The following FNBP1 variants were observed in gnomAD, a reference collection of about 807,000 sequenced individuals.
The protein encoded by FNBP1 is formin binding protein 1, also known as formin-binding protein 1.
In FNBP1, 26 loss-of-function variants were observed where a neutral mutation model predicts 90.6. The observed-to-expected ratio is 0.29, with a 90% CI of 0.21 to 0.40. FNBP1 has a LOEUF of 0.40. Among genes scored for constraint, FNBP1 ranks in the 10% least tolerant of loss-of-function variants. FNBP1 has a pLI of 1.00. For synonymous variants in FNBP1, 260 were observed against 265.2 expected, an observed-to-expected ratio of 0.98 and a Z score of 0.19; for missense variants, 635 against 768.0, an observed-to-expected ratio of 0.83 and a Z score of 2.05.
At chr9:130,048,314 CAAAAAAAAAAAAAAAAAA>C in the FNBP1 span, among the ~76,000 whole-genome samples, 1 of 50,716 alleles carries the variant, frequency 2.0e-5, no homozygotes, top group African/African-American at 8.3e-5. Context: ...GACTCCATCT[CAAAAAAAAAAAAAAAAAA>C]AAAAAAAAAA....
chr9:129,929,651 G>A lies in FNBP1; in HGVS notation c.558C>T (p.Ser186=). Residue 186 remains serine, a synonymous_variant, in exon 7 of 17, where the codon AGC becomes AGT. Transcript: ENST00000446176. ...AQIRHQMAED[S]KADYSSILQK... ...GGAGAATGGATGAGTAATCTGCTTT[G>A]CTGTCCTCTGCCATTTGGTGACGTA... is the stretch of plus-strand genomic sequence containing the variant. The A allele has an allele frequency of 6.2e-7, 1 of 1,613,862 alleles. No individual in the cohort carries two copies.
At chr9:129,975,793 C>G (rs568083708) in intron 4 of FNBP1, among the ~76,000 whole-genome samples, 1 of 149,978 alleles carries the variant, frequency 6.7e-6, no homozygotes, top group South Asian at 2.1e-4. Context: ...ATCCCAGCTA[C>G]TTGGGAGGCT....
At chr9:129,960,018 A>G (rs2047546698) in intron 4 of FNBP1, among the ~76,000 whole-genome samples, 2 of 152,156 alleles carry the variant, frequency 1.3e-5, no homozygotes, top group African/African-American at 2.4e-5. Context: ...TTTTATTGCC[A>G]AATGATTATT....
intron 1 of FNBP1, among the ~76,000 whole-genome samples, chr9:130,011,243 A>AATATATAT (rs1589249829): frequency 2.6e-4 from 11 of 42,234 alleles, no homozygotes; most frequent in African/African-American, 1.1e-3. Flanking sequence ...AAAAAAAAAA[A>AATATATAT]ATATATATAT....
chr9:129,996,925 G>A (rs1252439829), intron 1 of FNBP1, among the ~76,000 whole-genome samples: 1 of 151,896 alleles, frequency 6.6e-6, no homozygotes, highest in Admixed American at 6.6e-5. Context: ...GAATTCCTGG[G>A]CTCAAGTGAT....
intron 1 of FNBP1, among the ~76,000 whole-genome samples, chr9:130,005,967 A>C (rs2055635549): frequency 6.6e-6 from 1 of 152,186 alleles, no homozygotes; most frequent in African/African-American, 2.4e-5. Context: ...CCCTGGGTTG[A>C]AAATGTCTCC....
rs2059907936 is a variant in FNBP1, at chr9:130,042,411, A to G, written c.24+541T>C. 6.6e-6 allele frequency among the ~76,000 whole-genome samples: 1 copy of G among 152,034 alleles called. No homozygotes were observed. Among genetic ancestry groups the G allele is most frequent in the Non-Finnish European group, 1.5e-5 (1 of 67,968 alleles). On this transcript the variant is annotated intron_variant, in intron 1 of 16. Transcript: ENST00000446176. This position sits in a 1 kb window ranked among gnomAD's most constrained non-coding sequence, Gnocchi z 5.5. ...CCACGGGCCAGAAGTCCTCGCCTCC[A>G]GAGCGAAGACCGCACTCTCGCCCCA... is the stretch of plus-strand genomic sequence containing the variant.
intron 1 of FNBP1, among the ~76,000 whole-genome samples, chr9:130,000,291 G>A (rs2054628117): frequency 6.6e-6 from 1 of 152,184 alleles, no homozygotes. Flanking sequence ...AGGAGTTGGA[G>A]ACCAGCCTGG....
chr9:129,949,212 ACT>A (rs1316481718), intron 6 of FNBP1, among the ~76,000 whole-genome samples: 1 of 151,718 alleles, frequency 6.6e-6, no homozygotes, highest in South Asian at 2.1e-4. Flanking sequence ...CAAGTTCAAA[ACT>A]CTATGACAGC....
At chr9:129,924,118 A>G (rs1407888223) in intron 9 of FNBP1, 92 bp from the exon 10 acceptor site, 1 of 1,294,610 alleles carries the variant, frequency 7.7e-7, no homozygotes, top group Non-Finnish European at 1.0e-6. Context: ...TTGAAATCCA[A>G]CGCAAGTAAA....
At position 130,005,062 on chromosome 9, in the gene FNBP1, CAAAAAAA is replaced by C. The variant is rs573686773; in HGVS notation, c.25-10111_25-10105del. 3.0e-4 allele frequency among the ~76,000 whole-genome samples: 28 copies of C among 92,776 alleles called. 1 individual carries two copies. The highest frequency in any genetic ancestry group is 4.7e-4 in the African/African-American group (11 of 23,170). 60.9% of individuals were successfully genotyped at this position (92,776 alleles called of 152,430 possible). ...GCCTGGTGACAGAGCAAGACTGTCT[CAAAAAAA>C]AAAAAAAAAAAAAAAAAAAGGCTGG... On this transcript the variant is annotated intron_variant, in intron 1 of 16. Transcript: ENST00000446176.
intron 16 of FNBP1, 42 bp downstream of exon 16, chr9:129,895,796 T>A (rs1050111874): frequency 8.7e-6 from 13 of 1,495,084 alleles, no homozygotes; most frequent in Admixed American, 2.5e-5. Flanking sequence ...CCATTTTTTT[T>A]AAGTTTTTTT....
At chr9:129,914,720 G>T (rs2039934415) in intron 11 of FNBP1, among the ~76,000 whole-genome samples, 1 of 138,196 alleles carries the variant, frequency 7.2e-6, no homozygotes, top group African/African-American at 2.6e-5. Flanking sequence ...CAAATACTAA[G>T]TCATGTTGAA....
Position 129,895,228 on chromosome 9 carries a change from G to T in FNBP1, c.1846+610C>A, listed in dbSNP as rs1441338496. 12 of 1,040,764 alleles carry T rather than the reference G, an allele frequency of 1.2e-5. No homozygotes were observed. In the South Asian group the frequency reaches 5.2e-4, roughly 45 times the overall value. The allele number at this position is 1,040,764 out of a possible 1,614,324, so 64.5% of individuals were successfully genotyped here. A position where few individuals can be genotyped will look rare whatever the true frequency, so the allele number is the denominator to read the frequency against. On this transcript the variant is annotated intron_variant, in intron 16 of 16. Transcript: ENST00000446176. Reference sequence around the variant, plus strand: ...CAGGGTACTCGTGATGCCCTACCAAGGATGCTGACCAGGTTTAAGTAAAAA... The same window carrying T: ...CAGGGTACTCGTGATGCCCTACCAATGATGCTGACCAGGTTTAAGTAAAAA...
rs116115557 is a variant in FNBP1 at position 129,897,634 on chromosome 9, C to T, written c.1688-1638G>A. The stretch of plus-strand genomic sequence containing the variant: ...TTTTTTAGAGAGGGTTTCACACTAT[C>T]GCCTAGGCTGGAGTGCAGTGGTACG... On this transcript the variant is annotated intron_variant, in intron 15 of 16. Coordinates refer to ENST00000446176, the MANE Select transcript of FNBP1 (RefSeq NM_015033.3). Among the ~76,000 whole-genome samples the T allele has an allele frequency of 3.8e-3, 578 of 152,130 alleles. 4 individuals are homozygous for T. The highest frequency in any genetic ancestry group is 0.013 in the African/African-American group (544 of 41,500).
intron 6 of FNBP1, among the ~76,000 whole-genome samples, chr9:129,951,201 C>T (rs1337783487): frequency 1.3e-5 from 2 of 151,946 alleles, no homozygotes; most frequent in Non-Finnish European, 2.9e-5. Context: ...AGGTGATCCA[C>T]CTGCCTCGGC....
intron 4 of FNBP1, among the ~76,000 whole-genome samples, chr9:129,965,480 C>G (rs976345674): frequency 2.6e-5 from 4 of 152,104 alleles, no homozygotes; most frequent in Admixed American, 1.3e-4. Flanking sequence ...GCTCACTGTT[C>G]CTCGGTTATT....
intron 10 of FNBP1, among the ~76,000 whole-genome samples, chr9:129,918,507 C>T (rs754644176): frequency 1.1e-4 from 17 of 152,164 alleles, no homozygotes; most frequent in Middle Eastern, 3.2e-3. Flanking sequence ...ACAGCCCAGG[C>T]GAGTCCATGT....
At chr9:129,906,168 C>T (rs900071658) in intron 12 of FNBP1, among the ~76,000 whole-genome samples, 1 of 152,164 alleles carries the variant, frequency 6.6e-6, no homozygotes, top group Non-Finnish European at 1.5e-5. Context: ...CAGGCATGAG[C>T]CACCGCGCCT....
Sources: allele counts gnomAD v4.1 joint callset (sites outside exome capture counted in the v4.1 genomes callset), GRCh38; gene constraint gnomAD v4.1.1; non-coding constraint Gnocchi (gnomAD v3.1); transcripts MANE v1.5; gene names NCBI Gene and HGNC (gene_info 2026-07-23, HGNC 2026-07-21).